The following KIAA2012 variants were observed in gnomAD, a reference collection of about 807,000 sequenced individuals.
KIAA2012 encodes uncharacterized protein KIAA2012.
KIAA2012 carries 125 observed loss-of-function variants against 150.6 expected under a neutral mutation model. The observed-to-expected ratio is 0.83, with a 90% CI of 0.72 to 0.96. KIAA2012 has a LOEUF of 0.96. Among genes scored for constraint, KIAA2012 ranks in the 40% least tolerant of loss-of-function variants. KIAA2012 has a pLI of 0.00. For missense variants in KIAA2012, 1,219 were observed against 1,354.9 expected (o/e 0.90, Z 1.57); for synonymous variants, 462 against 504.7 (o/e 0.92, Z 1.13).
Position 202,196,900 on chromosome 2 carries a change from G to A in KIAA2012, c.3288G>A (p.Arg1096=), listed in dbSNP as rs1692425274. 6 of 1,550,746 alleles carry A rather than the reference G, an allele frequency of 3.9e-6. No individual in the cohort carries two copies. Among genetic ancestry groups the A allele is most frequent in the South Asian group, 1.2e-5 (1 of 84,052 alleles). The change falls in exon 22 of 24, where the codon CGG becomes CGA. Residue 1096 remains arginine, a synonymous_variant. Coordinates refer to ENST00000498697, the MANE Select transcript of KIAA2012 (RefSeq NM_001277372.4). The part of the protein sequence containing the change: ...MAEEERLEYQ[R]RKQEAEEKAR... The stretch of plus-strand genomic sequence containing the variant: ...AAGAGGAACGACTGGAGTACCAGCG[G>A]CGGAAACAGGAAGCAGAAGAGAAGG...
intron 15 of KIAA2012, among the ~76,000 whole-genome samples, chr2:202,176,329 T>C (rs1382177534): frequency 6.6e-6 from 1 of 152,118 alleles, no homozygotes; most frequent in Admixed American, 6.6e-5. Flanking sequence ...TCCAAGTAGC[T>C]GGGATTACAG....
rs893613159 is a variant in KIAA2012 at position 202,187,101 on chromosome 2, G to A, written c.2376+3G>A. 5.8e-6 allele frequency: 9 copies of A among 1,550,242 alleles called. No homozygotes were observed. In the African/African-American group the frequency reaches 9.6e-5, roughly 17 times the overall value. On this transcript the variant is annotated splice_donor_region_variant and intron_variant, in intron 17 of 23. Coordinates refer to ENST00000498697, the MANE Select transcript of KIAA2012 (RefSeq NM_001277372.4). ...AGACATCAGCCAACATCAGTCATGTGAGTGTAAACCCCTAAAAGCTTGGTC... is the reference window on the plus strand; with the variant it reads ...AGACATCAGCCAACATCAGTCATGTAAGTGTAAACCCCTAAAAGCTTGGTC...
In KIAA2012 at chr2:202,204,317, T is replaced by C. The variant is rs1405779750; in HGVS notation, c.*21-681T>C. On this transcript the variant is annotated intron_variant, in intron 23 of 23. Coordinates refer to ENST00000498697, the MANE Select transcript of KIAA2012 (RefSeq NM_001277372.4). Reference sequence around the variant, plus strand: ...GTCTCAAAATCCTGGGCTCGAGTTATCTGCCCACCTCAGCCTTCCAAAGTG... The same window carrying C: ...GTCTCAAAATCCTGGGCTCGAGTTACCTGCCCACCTCAGCCTTCCAAAGTG... 2.0e-5 allele frequency among the ~76,000 whole-genome samples: 3 copies of C among 152,288 alleles called. No homozygotes were observed. The South Asian group carries it at 6.2e-4, about 32-fold the overall frequency.
rs1207833731 is a variant in KIAA2012 at position 202,190,422 on chromosome 2, C to A, written c.2740C>A (p.Pro914Thr). 1 of 1,550,020 alleles carries A rather than the reference C, an allele frequency of 6.5e-7. No homozygotes were observed. The highest frequency in any genetic ancestry group is 1.2e-5 in the South Asian group (1 of 83,930). ...AGTTTCTCTAGATGGAAGATCATCACCCTCTCAGATTGCAACTGTCACTGG... is the reference window on the plus strand; with the variant it reads ...AGTTTCTCTAGATGGAAGATCATCAACCTCTCAGATTGCAACTGTCACTGG... The part of the protein sequence containing the change: ...SQVSLDGRSS[P>T]SQIATVTGNM... Residue 914 changes from proline to threonine, a missense_variant, in exon 19 of 24, where the codon CCC becomes ACC. Transcript: ENST00000498697.
In KIAA2012 at chr2:202,167,835, C is replaced by A. The variant is rs571802615; in HGVS notation, c.2119+2479C>A. On this transcript the variant is annotated intron_variant, in intron 15 of 23. Coordinates refer to ENST00000498697, the MANE Select transcript of KIAA2012 (RefSeq NM_001277372.4). ...CTCCAGCCTGGATGACAGAGCAAGA[C>A]CCTGTCTCTAAGAAAATAAAATAAT... 7.2e-5 allele frequency among the ~76,000 whole-genome samples: 11 copies of A among 151,986 alleles called. No individual in the cohort carries two copies. The East Asian group carries it at 2.1e-3, about 29-fold the overall frequency.
chr2:202,112,863 T>C (rs191920953), intron 10 of KIAA2012, among the ~76,000 whole-genome samples: 37 of 152,344 alleles, frequency 2.4e-4, no homozygotes, highest in Admixed American at 2.1e-3. Context: ...CCTGAGCCCC[T>C]GGCATCACCA....
At chr2:202,113,245 C>A in intron 10 of KIAA2012, 91 bp from the exon 11 acceptor site, 3 of 938,144 alleles carry the variant, frequency 3.2e-6, no homozygotes, top group Non-Finnish European at 4.9e-6. Flanking sequence ...GGTGTGTGCC[C>A]GCGGGGGACC....
At chr2:202,103,207 C>G (rs749729092) in intron 8 of KIAA2012, 93 bp downstream of exon 8, 1 of 1,185,244 alleles carries the variant, frequency 8.4e-7, no homozygotes, top group African/African-American at 1.6e-5. Flanking sequence ...CTGACGTTCC[C>G]TATGGTCATC....
intron 10 of KIAA2012, among the ~76,000 whole-genome samples, chr2:202,111,379 G>A (rs1005584614): frequency 8.0e-5 from 12 of 150,698 alleles, no homozygotes; most frequent in Admixed American, 6.6e-5. Flanking sequence ...GCATGGTGGT[G>A]TACATCTGTG....
At chr2:202,143,643 G>A (rs1025926519) in intron 13 of KIAA2012, among the ~76,000 whole-genome samples, 1 of 150,856 alleles carries the variant, frequency 6.6e-6, no homozygotes, top group African/African-American at 2.4e-5. Context: ...TTCAAGTCTA[G>A]CATAAAATAA....
At chr2:202,101,244 C>G (rs1366150746) in intron 7 of KIAA2012, among the ~76,000 whole-genome samples, 1 of 152,216 alleles carries the variant, frequency 6.6e-6, no homozygotes, top group Non-Finnish European at 1.5e-5. Context: ...CTGAAGTGTT[C>G]CTGAAGCAGC....
At chr2:202,079,557 G>A (rs1382261440) in intron 2 of KIAA2012, among the ~76,000 whole-genome samples, 2 of 152,126 alleles carry the variant, frequency 1.3e-5, no homozygotes, top group Non-Finnish European at 2.9e-5. Context: ...GCACACATGT[G>A]GCAACCCGTC....
Position 202,098,474 on chromosome 2 carries a change from A to G in KIAA2012, c.828+897A>G, listed in dbSNP as rs112430583. 1.6e-3 allele frequency among the ~76,000 whole-genome samples: 246 copies of G among 152,370 alleles called. 3 individuals are homozygous for G. Among genetic ancestry groups the G allele is most frequent in the African/African-American group, 5.7e-3 (236 of 41,598 alleles). On this transcript the variant is annotated intron_variant, in intron 5 of 23. Transcript: ENST00000498697. ...GATACAGAGAGCTTGGAGAAGTTCT[A>G]TAACATAGTCACCAGCTTAACTTTG...
intron 2 of KIAA2012, among the ~76,000 whole-genome samples, chr2:202,080,819 TG>T (rs1689435718): frequency 6.6e-6 from 1 of 152,152 alleles, no homozygotes; most frequent in African/African-American, 2.4e-5. Context: ...ATAAGGTAGG[TG>T]CCTTTTTTAT....
intron 2 of KIAA2012, among the ~76,000 whole-genome samples, chr2:202,087,402 A>T (rs992240295): frequency 6.7e-6 from 1 of 149,186 alleles, no homozygotes; most frequent in Non-Finnish European, 1.5e-5. Flanking sequence ...AATCCCAACT[A>T]CTCCGGAGGC....
At position 202,100,323 on chromosome 2, in the gene KIAA2012, G is replaced by GTTTAAAGAT; in HGVS notation, c.1029_1030insTTTAAAGAT (p.Val343_Lys344insPheLysAsp). On this transcript the variant is annotated inframe_insertion, in exon 7 of 24. Coordinates refer to ENST00000498697, the MANE Select transcript of KIAA2012 (RefSeq NM_001277372.4). ...TTTTTAAAGATAAACAAAGGAACGT[G>GTTTAAAGAT]AAACTCCACAAGGCCAGAAGCAGCC... 6.5e-7 allele frequency: 1 copy of GTTTAAAGAT among 1,550,344 alleles called. No individual in the cohort carries two copies.
At chr2:202,075,685 A>G (rs1689309928) in intron 2 of KIAA2012, among the ~76,000 whole-genome samples, 2 of 152,110 alleles carry the variant, frequency 1.3e-5, no homozygotes, top group African/African-American at 4.8e-5. Context: ...ACCTGTGTTC[A>G]TTTTTCTGAT....
At chr2:202,099,501 A>G (rs1689986126) in intron 5 of KIAA2012, 112 bp from the exon 6 acceptor site, 2 of 846,082 alleles carry the variant, frequency 2.4e-6, no homozygotes, top group South Asian at 2.3e-5. Flanking sequence ...CCAACCTGCA[A>G]AAGAAATTTC....
At chr2:202,149,912 T>C (rs1293836207) in intron 13 of KIAA2012, among the ~76,000 whole-genome samples, 4 of 152,228 alleles carry the variant, frequency 2.6e-5, no homozygotes, top group Non-Finnish European at 4.4e-5. Flanking sequence ...AGCTCAGATA[T>C]TATAATCCAA....
Sources: gnomAD v4.1 joint callset for allele counts (sites outside exome capture counted in the v4.1 genomes callset) on GRCh38, gnomAD v4.1.1 for gene constraint, MANE v1.5 for transcripts, NCBI Gene and HGNC (gene_info 2026-07-23, HGNC 2026-07-21) for gene names.